Variants in AKAP13 observed in about 807,000 individuals in gnomAD.
AKAP13 encodes the protein A-kinase anchoring protein 13.
In AKAP13, 80 loss-of-function variants were observed where a neutral mutation model predicts 264.5. The observed-to-expected ratio is 0.30, with a 90% CI of 0.25 to 0.36. The LOEUF (loss-of-function observed/expected upper bound fraction) is 0.36, where lower values mean the gene tolerates loss of function less well. AKAP13 is among the 10% of genes least tolerant of loss of function. AKAP13 has a pLI of 1.00. For synonymous variants in AKAP13, 1,380 were observed against 1,250.2 expected (o/e 1.10, Z -2.19); for missense variants, 3,712 against 3,435.2 (o/e 1.08, Z -2.01).
chr15:85,408,996 C>T (rs2071809951), intron 1 of AKAP13, among the ~76,000 whole-genome samples: 1 of 151,722 alleles, frequency 6.6e-6, no homozygotes, highest in South Asian at 2.1e-4. Context: ...TTGTTATTTT[C>T]TGTTTTTGTG....
chr15:85,729,721 A>G (rs995359470), intron 29 of AKAP13, among the ~76,000 whole-genome samples: 2 of 152,008 alleles, frequency 1.3e-5, no homozygotes, highest in African/African-American at 4.8e-5. Flanking sequence ...CAGATCACCC[A>G]AGGTCTGGAG....
intron 5 of AKAP13, among the ~76,000 whole-genome samples, chr15:85,569,451 C>CTTTTT (rs71468120): frequency 8.2e-5 from 10 of 121,806 alleles, no homozygotes; most frequent in Non-Finnish European, 1.2e-4. Context: ...TTTTTCTTTT[C>CTTTTT]TTTTTTTTTT....
intron 1 of AKAP13, among the ~76,000 whole-genome samples, chr15:85,399,530 ATAAAAAAAT>A (rs760581719): frequency 0.039 from 4,954 of 126,090 alleles, 322 homozygotes; most frequent in Non-Finnish European, 0.066. Flanking sequence ...AAATAAAAAA[ATAAAAAAAT>A]AAATAAATAA....
chr15:85,416,114 ATT>A (rs948479138), intron 1 of AKAP13, among the ~76,000 whole-genome samples: 2 of 152,228 alleles, frequency 1.3e-5, no homozygotes, highest in Non-Finnish European at 2.9e-5. Flanking sequence ...ACATTCTAAA[ATT>A]TTGAGAGCAT....
chr15:85,548,363 A>C (rs1270886374), intron 5 of AKAP13, among the ~76,000 whole-genome samples: 1 of 152,212 alleles, frequency 6.6e-6, no homozygotes, highest in East Asian at 1.9e-4. Flanking sequence ...TTTGTCATAC[A>C]GATTCTGGTT....
intron 1 of AKAP13, among the ~76,000 whole-genome samples, chr15:85,433,802 A>G (rs549874823): frequency 6.6e-6 from 1 of 152,076 alleles, no homozygotes; most frequent in African/African-American, 2.4e-5. Flanking sequence ...TTAGTTGGGC[A>G]TGGTGGCGCG....
Position 85,444,963 on chromosome 15 carries a change from A to G in AKAP13, c.-11-40747A>G, listed in dbSNP as rs537668147. On this transcript the variant is annotated intron_variant, in intron 1 of 36. Coordinates refer to ENST00000394518, the MANE Select transcript of AKAP13 (RefSeq NM_007200.5). The stretch of plus-strand genomic sequence containing the variant: ...GGAATTAAGGCGGAAAGAAGTTGCA[A>G]AGGGGTCATGCATGTTGCTTTTCCA... 1.4e-4 allele frequency among the ~76,000 whole-genome samples: 21 copies of G among 152,274 alleles called. No homozygotes were observed. In the East Asian group the frequency reaches 3.9e-3, roughly 28 times the overall value.
rs550067634 is a variant in AKAP13 at position 85,562,856 on chromosome 15, C to T, written c.663-12275C>T. On this transcript the variant is annotated intron_variant, in intron 5 of 36. Transcript: ENST00000394518. ...GATTACAGGCATGCGCCACCACGCC[C>T]AGCAGGTTTTTTTTGTTTTTTTTTT... Among the ~76,000 whole-genome samples the T allele has an allele frequency of 5.8e-5, 7 of 120,906 alleles. 1 individual carries two copies. 79.3% of individuals were successfully genotyped at this position (120,906 alleles called of 152,430 possible). A position where few individuals can be genotyped will look rare whatever the true frequency, so the allele number is the denominator to read the frequency against.
In AKAP13 at chr15:85,581,739, A is replaced by C; in HGVS notation, c.3671A>C (p.Glu1224Ala). ...ATGCGAGCCCCGCCTTCAGGCAGGG[A>C]AAGGAGCACTCCCTCTCTACCTTGC... ...EVMRAPPSGR[E>A]RSTPSLPCMV... The change falls in exon 7 of 37, where the codon GAA becomes GCA. Residue 1224 changes from glutamate to alanine, a missense_variant. Physicochemically the swap from Glu to Ala is moderately radical, Grantham distance 107. This residue lies in a region of AKAP13 where 2,759 missense variants were observed against 2,411.7 expected (regional missense o/e 1.14). Coordinates refer to ENST00000394518, the MANE Select transcript of AKAP13 (RefSeq NM_007200.5). The C allele has an allele frequency of 6.2e-7, 1 of 1,614,142 alleles. No homozygotes were observed. Among genetic ancestry groups the C allele is most frequent in the South Asian group, 1.1e-5 (1 of 91,082 alleles).
At chr15:85,453,520 A>G (rs1315420958) in intron 1 of AKAP13, among the ~76,000 whole-genome samples, 3 of 152,194 alleles carry the variant, frequency 2.0e-5, no homozygotes, top group Non-Finnish European at 4.4e-5. Context: ...CCAGGGAGGA[A>G]TGACCTGTTG....
At chr15:85,726,741 C>T (rs1178818235) in intron 27 of AKAP13, among the ~76,000 whole-genome samples, 1 of 152,202 alleles carries the variant, frequency 6.6e-6, no homozygotes, top group Non-Finnish European at 1.5e-5. Context: ...AACCTGGTCA[C>T]TGGAGCATTT....
chr15:85,442,511 AAT>A (rs1218704074), intron 1 of AKAP13, among the ~76,000 whole-genome samples: 1 of 112,098 alleles, frequency 8.9e-6, no homozygotes, highest in Non-Finnish European at 1.9e-5. Context: ...TATTATATAT[AAT>A]ATATATTATA....
chr15:85,640,222 G>C (rs1204924250), intron 9 of AKAP13, among the ~76,000 whole-genome samples: 1 of 152,210 alleles, frequency 6.6e-6, no homozygotes, highest in Non-Finnish European at 1.5e-5. Flanking sequence ...CAGATGACAT[G>C]ATGAGTAATC....
At chr15:85,640,085 A>G (rs1027911071) in intron 9 of AKAP13, among the ~76,000 whole-genome samples, 2 of 152,138 alleles carry the variant, frequency 1.3e-5, no homozygotes, top group Non-Finnish European at 2.9e-5. Flanking sequence ...AGGATTCCCA[A>G]CTTTTAAACC....
intron 30 of AKAP13, 130 bp downstream of exon 30, chr15:85,730,837 A>C: frequency 6.2e-6 from 5 of 806,008 alleles, no homozygotes; most frequent in Non-Finnish European, 9.4e-6. Context: ...CAAATATTTC[A>C]CTATAGTAAA....
intron 17 of AKAP13, among the ~76,000 whole-genome samples, chr15:85,700,316 G>T (rs1483573731): frequency 6.6e-6 from 1 of 152,176 alleles, no homozygotes. Flanking sequence ...TGTTAAACAT[G>T]ATAGAAATTC....
At chr15:85,527,255 A>G (rs534265650) in intron 3 of AKAP13, among the ~76,000 whole-genome samples, 501 of 152,168 alleles carry the variant, frequency 3.3e-3, no homozygotes, top group Non-Finnish European at 5.4e-3. Flanking sequence ...GAGCCACCGC[A>G]CCCGGCCCTG....
chr15:85,387,108 G>T (rs1420832063), intron 1 of AKAP13, among the ~76,000 whole-genome samples: 1 of 152,024 alleles, frequency 6.6e-6, no homozygotes, highest in Non-Finnish European at 1.5e-5. Context: ...GCTGAGGCGG[G>T]TGGATCACCT....
intron 5 of AKAP13, among the ~76,000 whole-genome samples, chr15:85,566,450 T>C (rs2078608266): frequency 6.6e-6 from 1 of 152,136 alleles, no homozygotes; most frequent in African/African-American, 2.4e-5. Context: ...TATTGAGACA[T>C]TAATGTTGAG....
Sources: allele counts gnomAD v4.1 joint callset (sites outside exome capture counted in the v4.1 genomes callset), GRCh38; gene constraint gnomAD v4.1.1; regional missense constraint gnomAD v4.1.1; transcripts MANE v1.5; gene names NCBI Gene and HGNC (gene_info 2026-07-23, HGNC 2026-07-21).